Variants in ADAM22 observed in about 807,000 individuals in gnomAD.
The protein encoded by ADAM22 is disintegrin and metalloproteinase domain-containing protein 22.
A neutral mutation model predicts 144.6 loss-of-function variants in ADAM22; 65 were observed. The observed-to-expected ratio is 0.45, with a 90% CI of 0.37 to 0.55. The LOEUF is 0.55. Ranked by LOEUF, ADAM22 falls within the 20% of genes least tolerant of loss-of-function variation. The pLI is 0.00. For synonymous variants in ADAM22, 391 were observed against 412.6 expected (o/e 0.95, Z 0.63); for missense variants, 974 against 1,184.9 (o/e 0.82, Z 2.61).
chr7:87,945,263 C>T (rs1234839929), intron 2 of ADAM22, among the ~76,000 whole-genome samples: 1 of 152,040 alleles, frequency 6.6e-6, no homozygotes, highest in Non-Finnish European at 1.5e-5. Context: ...AATGAAGAGT[C>T]CCTAAGTTAG....
intron 4 of ADAM22, among the ~76,000 whole-genome samples, chr7:88,098,127 C>T (rs371693636): frequency 6.6e-6 from 1 of 152,074 alleles, no homozygotes; most frequent in Non-Finnish European, 1.5e-5. Flanking sequence ...TAATTTCTCT[C>T]GACTATTCTG....
At chr7:88,166,602 T>G (rs1842992208) in intron 24 of ADAM22, among the ~76,000 whole-genome samples, 1 of 152,166 alleles carries the variant, frequency 6.6e-6, no homozygotes, top group Non-Finnish European at 1.5e-5. Flanking sequence ...TACAAGATAA[T>G]GCTCAAATCC....
chr7:88,180,840 G>C (rs1300982339), intron 27 of ADAM22, among the ~76,000 whole-genome samples: 1 of 152,078 alleles, frequency 6.6e-6, no homozygotes, highest in East Asian at 1.9e-4. Context: ...TTCATTTAAA[G>C]ATGGTAGGAC....
intron 3 of ADAM22, among the ~76,000 whole-genome samples, chr7:88,044,637 A>T (rs185896987): frequency 1.3e-5 from 2 of 151,556 alleles, no homozygotes; most frequent in South Asian, 4.2e-4. Context: ...TAGTAGAGAC[A>T]GGGTTTCATT....
chr7:87,996,359 G>C (rs549649334), intron 3 of ADAM22, among the ~76,000 whole-genome samples: 1 of 152,320 alleles, frequency 6.6e-6, no homozygotes, highest in South Asian at 2.1e-4. Flanking sequence ...GGCTGATTCT[G>C]TCTTATTGAG....
chr7:88,021,033 G>A (rs940912679), intron 3 of ADAM22, among the ~76,000 whole-genome samples: 1 of 152,106 alleles, frequency 6.6e-6, no homozygotes, highest in Admixed American at 6.6e-5. Flanking sequence ...ATGTTCAAGA[G>A]AGCCAGGAAA....
At chr7:87,954,657 T>A (rs1425198648) in intron 2 of ADAM22, among the ~76,000 whole-genome samples, 5 of 152,126 alleles carry the variant, frequency 3.3e-5, no homozygotes, top group Non-Finnish European at 7.4e-5. Context: ...CTTTGTGGCA[T>A]TCTCTGTATT....
Position 88,005,198 on chromosome 7 carries a change from G to A in ADAM22, c.323+26786G>A, listed in dbSNP as rs760522540. Reference sequence around the variant, plus strand: ...CACCCACTCACTCCCCATTAAATTTGTGTATTATAGGGATAGGAGATTTCC... The same window carrying A: ...CACCCACTCACTCCCCATTAAATTTATGTATTATAGGGATAGGAGATTTCC... On this transcript the variant is annotated intron_variant, in intron 3 of 31. Transcript: ENST00000413139. Among the ~76,000 whole-genome samples the A allele has an allele frequency of 2.6e-5, 4 of 152,090 alleles. No individual in the cohort carries two copies. In the East Asian group the frequency reaches 5.8e-4, roughly 22 times the overall value.
intron 2 of ADAM22, among the ~76,000 whole-genome samples, chr7:87,940,750 C>A (rs1305146275): frequency 1.3e-5 from 2 of 152,122 alleles, no homozygotes; most frequent in Non-Finnish European, 2.9e-5. Context: ...TAATTTCATT[C>A]CTGGAAAATA....
intron 3 of ADAM22, among the ~76,000 whole-genome samples, chr7:88,004,621 C>G (rs1793352560): frequency 6.6e-6 from 1 of 152,310 alleles, no homozygotes; most frequent in East Asian, 1.9e-4. Flanking sequence ...TGTGCTAGAA[C>G]TGAGATTCAG....
chr7:87,979,295 G>A (rs900635789), intron 3 of ADAM22, among the ~76,000 whole-genome samples: 2 of 152,148 alleles, frequency 1.3e-5, no homozygotes, highest in Admixed American at 6.5e-5. Flanking sequence ...GCAAGACTTA[G>A]GACCATGTTA....
chr7:88,147,039 A>G (rs981392233), intron 17 of ADAM22, among the ~76,000 whole-genome samples: 1 of 152,226 alleles, frequency 6.6e-6, no homozygotes, highest in Non-Finnish European at 1.5e-5. Context: ...CATCTACAAA[A>G]TGCATTTAAT....
At chr7:88,044,024 G>T (rs1449745521) in intron 3 of ADAM22, among the ~76,000 whole-genome samples, 1 of 152,014 alleles carries the variant, frequency 6.6e-6, no homozygotes, top group Non-Finnish European at 1.5e-5. Flanking sequence ...GCTACAGTAT[G>T]GCATACATTA....
At chr7:88,113,957 T>C (rs1827023376) in intron 5 of ADAM22, among the ~76,000 whole-genome samples, 1 of 151,586 alleles carries the variant, frequency 6.6e-6, no homozygotes, top group African/African-American at 2.4e-5. Context: ...CTCTTACTGG[T>C]TAAATAATTT....
chr7:88,183,966 C>G (rs2129538567), intron 29 of ADAM22, among the ~76,000 whole-genome samples: 1 of 152,120 alleles, frequency 6.6e-6, no homozygotes. Context: ...CCATTTGCTT[C>G]TGATAGTATA....
chr7:88,046,429 T>A (rs1310316274), intron 3 of ADAM22, among the ~76,000 whole-genome samples: 1 of 152,198 alleles, frequency 6.6e-6, no homozygotes, highest in Admixed American at 6.5e-5. Flanking sequence ...TTTGTTTTCT[T>A]GTTATTGAGT....
intron 2 of ADAM22, among the ~76,000 whole-genome samples, chr7:87,935,536 ATTG>A (rs1348039181): frequency 2.6e-5 from 4 of 152,226 alleles, no homozygotes; most frequent in East Asian, 1.9e-4. Flanking sequence ...TTGAATCATC[ATTG>A]TTGTTGTTTT....
At chr7:88,130,488 C>G in intron 10 of ADAM22, 29 bp downstream of exon 10, 2 of 1,578,222 alleles carry the variant, frequency 1.3e-6, no homozygotes, top group South Asian at 1.1e-5. Context: ...CATTATTGCC[C>G]TAGAAGATTC....
intron 26 of ADAM22, among the ~76,000 whole-genome samples, 181 bp downstream of exon 26, chr7:88,171,742 T>G (rs1844373060): frequency 6.6e-6 from 1 of 151,814 alleles, no homozygotes. Flanking sequence ...ATATAGCAAT[T>G]TAAAATAGAT....
Sources: gnomAD v4.1 joint callset for allele counts (sites outside exome capture counted in the v4.1 genomes callset) on GRCh38, gnomAD v4.1.1 for gene constraint, MANE v1.5 for transcripts, NCBI Gene and HGNC (gene_info 2026-07-23, HGNC 2026-07-21) for gene names.